Variants in SGO2 observed in about 807,000 individuals in gnomAD.
SGO2 encodes shugoshin-like 2.
A neutral mutation model predicts 99.5 loss-of-function variants in SGO2; 68 were observed. That is an observed-to-expected ratio of 0.68 (90% confidence interval 0.56 to 0.84). SGO2 has a LOEUF of 0.84. SGO2 is among the 40% of genes least tolerant of loss of function. The probability of loss-of-function intolerance (pLI) is 0.00; values close to 1 mark genes in which losing one functional copy is unlikely to be tolerated. For synonymous variants in SGO2, 457 were observed against 487.1 expected (o/e 0.94, Z 0.81); for missense variants, 1,350 against 1,436.7 (o/e 0.94, Z 0.97).
chr2:200,538,959 G>GA (rs565746480), intron 4 of SGO2, among the ~76,000 whole-genome samples: 221 of 151,574 alleles, frequency 1.5e-3, no homozygotes, highest in Admixed American at 6.2e-3. Flanking sequence ...TCTATGCATG[G>GA]AAAAAAACAT....
intron 5 of SGO2, among the ~76,000 whole-genome samples, chr2:200,562,053 T>C (rs1436704120): frequency 6.6e-6 from 1 of 152,226 alleles, no homozygotes; most frequent in East Asian, 1.9e-4. Context: ...AGAAGCCCTT[T>C]AGTTTAATTA....
chr2:200,560,984 ACATCT>A (rs1181515702), intron 5 of SGO2, among the ~76,000 whole-genome samples: 1 of 152,200 alleles, frequency 6.6e-6, no homozygotes, highest in Admixed American at 6.5e-5. Flanking sequence ...AGAAAATCAC[ACATCT>A]CATCTAGTCA....
chr2:200,555,536 A>C (rs1177270865), intron 5 of SGO2, among the ~76,000 whole-genome samples: 1 of 152,184 alleles, frequency 6.6e-6, no homozygotes, highest in African/African-American at 2.4e-5. Flanking sequence ...AAGCAACCCA[A>C]AGCTAATCAG....
At chr2:200,565,971 G>T (rs1192442267) in intron 5 of SGO2, among the ~76,000 whole-genome samples, 4 of 152,100 alleles carry the variant, frequency 2.6e-5, no homozygotes. Flanking sequence ...TGTCTAATCT[G>T]TTTTCAAGGG....
chr2:200,548,727 T>C (rs1400176164), intron 5 of SGO2, among the ~76,000 whole-genome samples: 1 of 152,088 alleles, frequency 6.6e-6, no homozygotes, highest in African/African-American at 2.4e-5. Flanking sequence ...GAGAGAGGAC[T>C]ATAATAAATA....
chr2:200,543,652 G>A (rs2106315828), intron 5 of SGO2: 2 of 152,248 alleles, frequency 1.3e-5, no homozygotes, highest in Middle Eastern at 6.8e-3. Flanking sequence ...ATTGTAGTTT[G>A]TTCCATTGAC....
At position 200,573,315 on chromosome 2, in the gene SGO2, C is replaced by A. The variant is rs1574881867; in HGVS notation, c.2969C>A (p.Ser990Ter). ...GTAGTTAAAAAACGTAAGAAAGAATCATCATGCAAGGCAAAGAACATTTTG... is the reference window on the plus strand; with the variant it reads ...GTAGTTAAAAAACGTAAGAAAGAATAATCATGCAAGGCAAAGAACATTTTG... ...YKVVKKRKKE[S>*]SCKAKNILTK... The change falls in exon 7 of 9, where the codon TCA (serine) becomes TAA (stop). Residue 990 changes from serine to a stop codon, truncating the protein, a stop_gained. Transcript: ENST00000357799. LOFTEE classifies it high-confidence loss of function. 1 of 1,605,158 alleles carries A rather than the reference C, an allele frequency of 6.2e-7. No homozygotes were observed. The highest frequency in any genetic ancestry group is 1.1e-5 in the South Asian group (1 of 88,238).
At position 200,572,513 on chromosome 2, in the gene SGO2, A is replaced by G. The variant is rs2106345190; in HGVS notation, c.2167A>G (p.Ile723Val). ...GAAAGTAAATCGGAAGACAGAAATA[A>G]TTTCTGAAGTGAATCATTTAGATAA... ...RQKVNRKTEI[I>V]SEVNHLDNDK... Residue 723 changes from isoleucine to valine, a missense_variant, in exon 7 of 9, where the codon ATT (isoleucine) becomes GTT (valine). Transcript: ENST00000357799. 6.2e-7 allele frequency: 1 copy of G among 1,612,706 alleles called. No homozygotes were observed. The highest frequency in any genetic ancestry group is 1.6e-4 in the Middle Eastern group (1 of 6,062).
At chr2:200,563,899 G>T (rs1287294252) in intron 5 of SGO2, among the ~76,000 whole-genome samples, 1 of 152,082 alleles carries the variant, frequency 6.6e-6, no homozygotes, top group East Asian at 1.9e-4. Context: ...GGGATCGGTG[G>T]TGATATCCCC....
At chr2:200,537,615 T>A (rs1480346249) in intron 4 of SGO2, among the ~76,000 whole-genome samples, 3 of 152,186 alleles carry the variant, frequency 2.0e-5, no homozygotes, top group Non-Finnish European at 4.4e-5. Context: ...CTCTTTATTT[T>A]ACTAAGTTTT....
intron 5 of SGO2, among the ~76,000 whole-genome samples, chr2:200,552,373 G>A (rs570843223): frequency 6.6e-6 from 1 of 152,128 alleles, no homozygotes; most frequent in African/African-American, 2.4e-5. Flanking sequence ...AATGTTACTG[G>A]GTTTTGTTTG....
chr2:200,564,037 G>C (rs1222535213), intron 5 of SGO2, among the ~76,000 whole-genome samples: 1 of 151,982 alleles, frequency 6.6e-6, no homozygotes, highest in African/African-American at 2.4e-5. Context: ...TTTTTTGAAG[G>C]GTTTCTTTGT....
chr2:200,572,871 T>C lies in SGO2; in HGVS notation c.2525T>C (p.Phe842Ser). 6.3e-7 allele frequency: 1 copy of C among 1,595,392 alleles called. No homozygotes were observed. The highest frequency in any genetic ancestry group is 8.5e-7 in the Non-Finnish European group (1 of 1,174,446). The change falls in exon 7 of 9, where the codon TTC becomes TCC. Residue 842 changes from phenylalanine (F) to serine (S), a missense_variant. Coordinates refer to ENST00000357799, the MANE Select transcript of SGO2 (RefSeq NM_152524.6). Reference sequence around the variant, plus strand: ...CATGACCTAGAAAAAGATAACTTCTTCTCTCTAACCCCAAAGGATAAAGAA... The same window carrying C: ...CATGACCTAGAAAAAGATAACTTCTCCTCTCTAACCCCAAAGGATAAAGAA... The part of the protein sequence containing the change: ...GVHDLEKDNF[F>S]SLTPKDKETI...
intron 5 of SGO2, among the ~76,000 whole-genome samples, chr2:200,550,564 C>T (rs1159506559): frequency 6.6e-6 from 1 of 152,042 alleles, no homozygotes; most frequent in Non-Finnish European, 1.5e-5. Flanking sequence ...AACTCATCTT[C>T]TGCAAAGGTC....
rs1214852899 is a variant in SGO2 at position 200,573,437 on chromosome 2, G to C, written c.3091G>C (p.Asp1031His). The C allele has an allele frequency of 6.2e-7, 1 of 1,609,550 alleles. No individual in the cohort carries two copies. Among genetic ancestry groups the C allele is most frequent in the Admixed American group, 1.7e-5 (1 of 59,264 alleles). Reference sequence around the variant, plus strand: ...TTTAAAACATATTACTAGTGAAGCAGATTCTGATCCAGGAAACCCAGTTGA... The same window carrying C: ...TTTAAAACATATTACTAGTGAAGCACATTCTGATCCAGGAAACCCAGTTGA... ...SDLKHITSEA[D>H]SDPGNPVELC... The change falls in exon 7 of 9, where the codon GAT becomes CAT. Residue 1031 changes from aspartate (D) to histidine (H), a missense_variant. Physicochemically the swap from Asp to His is moderately conservative, Grantham distance 81. Transcript: ENST00000357799.
At chr2:200,550,991 CAAAAAAA>C (rs55848114) in intron 5 of SGO2, among the ~76,000 whole-genome samples, 3 of 138,952 alleles carry the variant, frequency 2.2e-5, no homozygotes, top group Admixed American at 2.2e-4. Flanking sequence ...AACTAAGTAG[CAAAAAAA>C]AAAAAGAAAA....
Position 200,572,651 on chromosome 2 carries a change from C to G in SGO2, c.2305C>G (p.Leu769Val), listed in dbSNP as rs760795151. ...EDPSEFETPA[L>V]STKDSGNLYD... ...CCCAAGTGAGTTTGAAACACCTGCT[C>G]TTTCTACCAAAGATAGTGGAAACCT... The change falls in exon 7 of 9, where the codon CTT becomes GTT. Residue 769 changes from leucine to valine, a missense_variant. Coordinates refer to ENST00000357799, the MANE Select transcript of SGO2 (RefSeq NM_152524.6). 2.5e-6 allele frequency: 4 copies of G among 1,612,236 alleles called. No individual in the cohort carries two copies. Among genetic ancestry groups the G allele is most frequent in the Middle Eastern group, 1.6e-4 (1 of 6,070 alleles).
intron 4 of SGO2, among the ~76,000 whole-genome samples, chr2:200,538,375 T>C (rs2031796682): frequency 6.6e-6 from 1 of 152,166 alleles, no homozygotes. Flanking sequence ...CCTTCAAATG[T>C]TGACTCAAAA....
In SGO2 at chr2:200,576,903, C is replaced by A. The variant is rs114115414; in HGVS notation, c.3782+1442C>A. 8.2e-3 allele frequency among the ~76,000 whole-genome samples: 1,249 copies of A among 152,246 alleles called. 14 individuals are homozygous for A. Among genetic ancestry groups the A allele is most frequent in the African/African-American group, 0.028 (1,146 of 41,550 alleles). ...TTCATTTTTATGACTGGATAATATT[C>A]CATTGTGTAGATGTACCACATTTTG... On this transcript the variant is annotated intron_variant, in intron 8 of 8. Transcript: ENST00000357799.
Sources: gnomAD v4.1 joint callset for allele counts (sites outside exome capture counted in the v4.1 genomes callset) on GRCh38, gnomAD v4.1.1 for gene constraint, MANE v1.5 for transcripts, NCBI Gene and HGNC (gene_info 2026-07-23, HGNC 2026-07-21) for gene names.